The following ALK variants were observed in gnomAD, a reference collection of about 807,000 sequenced individuals.
The protein encoded by ALK is ALK tyrosine kinase receptor.
In ALK, 74 loss-of-function variants were observed where a neutral mutation model predicts 163.1. The observed-to-expected ratio is 0.45, with a 90% CI of 0.38 to 0.55. The LOEUF (loss-of-function observed/expected upper bound fraction) is 0.55, where lower values mean the gene tolerates loss of function less well. ALK is among the 20% of genes least tolerant of loss of function. ALK has a pLI of 0.00. For missense variants in ALK, 2,063 were observed against 2,105.3 expected (o/e 0.98, Z 0.39); for synonymous variants, 960 against 843.2 (o/e 1.14, Z -2.40).
chr2:29,386,701 G>A (rs567631223), intron 4 of ALK, among the ~76,000 whole-genome samples: 2 of 152,296 alleles, frequency 1.3e-5, no homozygotes, highest in South Asian at 4.1e-4. Flanking sequence ...CTGAGTTACC[G>A]ATGCAATAAC....
chr2:29,321,373 G>C (rs1011594191), intron 6 of ALK, among the ~76,000 whole-genome samples: 1 of 152,196 alleles, frequency 6.6e-6, no homozygotes, highest in African/African-American at 2.4e-5. Context: ...GGTTGTGGTA[G>C]TGTTGGCTGG....
chr2:29,714,050 T>C lies in ALK; in HGVS notation c.787+3528A>G, dbSNP rs150610385. Among the ~76,000 whole-genome samples the C allele has an allele frequency of 4.0e-4, 61 of 152,248 alleles. No homozygotes were observed. In the East Asian group the frequency reaches 0.01, roughly 25 times the overall value. ...TCAAAACCCCCGGTGGCCTCAATCTTTTAGCATCTGGTGCTACCTGATGGA... is the reference window on the plus strand; with the variant it reads ...TCAAAACCCCCGGTGGCCTCAATCTCTTAGCATCTGGTGCTACCTGATGGA... On this transcript the variant is annotated intron_variant, in intron 2 of 28. Coordinates refer to ENST00000389048, the MANE Select transcript of ALK (RefSeq NM_004304.5).
intron 1 of ALK, among the ~76,000 whole-genome samples, chr2:29,814,002 A>C (rs1297203740): frequency 6.6e-6 from 1 of 152,168 alleles, no homozygotes; most frequent in East Asian, 1.9e-4. Context: ...CTCTCTTCCA[A>C]AGTCTGGGGC....
intron 1 of ALK, among the ~76,000 whole-genome samples, chr2:29,719,518 T>C (rs1220818901): frequency 1.3e-5 from 2 of 152,192 alleles, no homozygotes; most frequent in South Asian, 2.1e-4. Context: ...TTATTAGCCT[T>C]TTAAAAAATT....
intron 1 of ALK, among the ~76,000 whole-genome samples, chr2:29,854,191 T>G (rs1666080621): frequency 1.0e-5 from 1 of 99,538 alleles, no homozygotes; most frequent in Admixed American, 1.1e-4. Flanking sequence ...CTAGCTACGT[T>G]AACGTTCCCT....
rs139678457 is a variant in ALK at position 29,435,049 on chromosome 2, T to A, written c.1155-51190A>T. On this transcript the variant is annotated intron_variant, in intron 4 of 28. Transcript: ENST00000389048. ...TTGTTAGGTCAGGGCTGTTCATGAA[T>A]GCAGCTGACCCATATCAAGCAAAGC... Among the ~76,000 whole-genome samples, 196 of 152,326 alleles carry A rather than the reference T, an allele frequency of 1.3e-3. 1 individual carries two copies. Among genetic ancestry groups the A allele is most frequent in the African/African-American group, 4.2e-3 (176 of 41,586 alleles).
intron 5 of ALK, among the ~76,000 whole-genome samples, chr2:29,354,767 CTTT>C (rs763001304): frequency 2.9e-5 from 4 of 138,476 alleles, no homozygotes; most frequent in Non-Finnish European, 4.7e-5. Context: ...TTTTCTTTTT[CTTT>C]TTTTTTTTTT....
intron 14 of ALK, 65 bp downstream of exon 14, chr2:29,233,500 G>A (rs1024454321): frequency 6.8e-5 from 109 of 1,611,142 alleles, no homozygotes; most frequent in Non-Finnish European, 9.2e-5. Flanking sequence ...TCCCAGGGCT[G>A]TCATGAGGCT....
intron 9 of ALK, among the ~76,000 whole-genome samples, chr2:29,288,950 T>TAAAAAAAAAAAAAAAA (rs1665934680): frequency 5.2e-5 from 1 of 19,272 alleles, no homozygotes; most frequent in Non-Finnish European, 5.4e-4. Context: ...AGACTCCTTC[T>TAAAAAAAAAAAAAAAA]CAAAAAAATA....
At chr2:29,895,339 C>A (rs1667242469) in intron 1 of ALK, among the ~76,000 whole-genome samples, 1 of 152,172 alleles carries the variant, frequency 6.6e-6, no homozygotes, top group Admixed American at 6.5e-5. Flanking sequence ...AGTCTTTTTT[C>A]ATTCCGAAAG....
chr2:29,742,691 C>T (rs2148325820), intron 1 of ALK, among the ~76,000 whole-genome samples: 1 of 152,340 alleles, frequency 6.6e-6, no homozygotes, highest in South Asian at 2.1e-4. Flanking sequence ...CATGCCAAAC[C>T]TCACTTATTC....
chr2:29,329,666 CA>C (rs1667382978), intron 5 of ALK, among the ~76,000 whole-genome samples: 1 of 152,196 alleles, frequency 6.6e-6, no homozygotes, highest in Non-Finnish European at 1.5e-5. Context: ...GGCTGCAAAT[CA>C]AACTCAACTG....
At chr2:29,639,499 T>C (rs1445269472) in intron 3 of ALK, among the ~76,000 whole-genome samples, 1 of 152,196 alleles carries the variant, frequency 6.6e-6, no homozygotes, top group East Asian at 1.9e-4. Flanking sequence ...TGAGCAAACT[T>C]ACAAGACTTT....
chr2:29,860,861 G>C (rs1190172145), intron 1 of ALK, among the ~76,000 whole-genome samples: 1 of 152,140 alleles, frequency 6.6e-6, no homozygotes, highest in African/African-American at 2.4e-5. Context: ...ATGAGATGCA[G>C]CAAAGGCGAT....
chr2:29,240,509 A>G (rs1226607288), intron 12 of ALK, among the ~76,000 whole-genome samples: 1 of 152,150 alleles, frequency 6.6e-6, no homozygotes, highest in Non-Finnish European at 1.5e-5. Flanking sequence ...AAGTCTCCCC[A>G]TGGGGTCTGG....
chr2:29,345,120 G>A (rs1013809770), intron 5 of ALK, among the ~76,000 whole-genome samples: 2 of 152,106 alleles, frequency 1.3e-5, no homozygotes, highest in African/African-American at 2.4e-5. Context: ...CAGGCCGGGC[G>A]CAGTGGCTCA....
At chr2:29,706,989 G>T (rs1678929521) in intron 2 of ALK, among the ~76,000 whole-genome samples, 1 of 140,850 alleles carries the variant, frequency 7.1e-6, no homozygotes, top group Non-Finnish European at 1.5e-5. Context: ...GTGTGTGTGT[G>T]TGTGTGTGTG....
At chr2:29,571,213 A>T (rs1674358275) in intron 3 of ALK, among the ~76,000 whole-genome samples, 1 of 152,178 alleles carries the variant, frequency 6.6e-6, no homozygotes. Context: ...TCTCAGGGGC[A>T]CCTAGAGACC....
chr2:29,877,827 C>A lies in ALK; in HGVS notation c.667+42166G>T, dbSNP rs540230819. On this transcript the variant is annotated intron_variant, in intron 1 of 28. Transcript: ENST00000389048. ...GCCTCCTGGCTCCTAGGGGAGAATC[C>A]AGGAGGCTGCTTTTCCCCATGGAAT... is the stretch of plus-strand genomic sequence containing the variant. Among the ~76,000 whole-genome samples, 6 of 152,298 alleles carry A rather than the reference C, an allele frequency of 3.9e-5. No individual in the cohort carries two copies. The South Asian group carries it at 1.2e-3, about 32-fold the overall frequency.
Sources: allele counts gnomAD v4.1 joint callset (sites outside exome capture counted in the v4.1 genomes callset), GRCh38; gene constraint gnomAD v4.1.1; transcripts MANE v1.5; gene names NCBI Gene and HGNC (gene_info 2026-07-23, HGNC 2026-07-21).